The following CLDN16 variants were observed in gnomAD, a reference collection of about 807,000 sequenced individuals.
CLDN16 encodes claudin-16.
Under a neutral mutation model 24.6 loss-of-function variants are expected in CLDN16, and 13 were observed. That is an observed-to-expected ratio of 0.53 (90% CI 0.34 to 0.84). CLDN16 has a LOEUF of 0.84. CLDN16 is among the 40% of genes least tolerant of loss of function. The probability of loss-of-function intolerance (pLI) is 0.01; values close to 1 mark genes in which losing one functional copy is unlikely to be tolerated. For synonymous variants in CLDN16, 116 were observed against 106.7 expected, an observed-to-expected ratio of 1.09 and a Z score of -0.54; for missense variants, 298 against 292.7, an observed-to-expected ratio of 1.02 and a Z score of -0.13.
At chr3:190,385,079 G>C (rs1300788229), upstream of CLDN16, among the ~76,000 whole-genome samples, 2 of 152,104 alleles carry the variant, frequency 1.3e-5, no homozygotes, top group Admixed American at 6.6e-5. Context: ...TCAAGGACTA[G>C]GATGAGTTCT....
intron 1 of CLDN16, among the ~76,000 whole-genome samples, chr3:190,353,120 T>A (rs1717702861): frequency 6.6e-6 from 1 of 152,082 alleles, no homozygotes; most frequent in South Asian, 2.1e-4. Flanking sequence ...AGAGTTATCA[T>A]GAGCATTAAT....
intron 3 of CLDN16, among the ~76,000 whole-genome samples, chr3:190,374,842 T>C (rs1026520115): frequency 1.6e-4 from 24 of 152,028 alleles, no homozygotes; most frequent in African/African-American, 5.8e-4. Flanking sequence ...CGATTTTTAT[T>C]ACTATTTTTG....
intron 1 of CLDN16, among the ~76,000 whole-genome samples, chr3:190,324,349 G>C (rs993356389): frequency 6.6e-6 from 1 of 152,094 alleles, no homozygotes; most frequent in South Asian, 2.1e-4. Flanking sequence ...CGGGCATGGT[G>C]GTGGGCGCCT....
chr3:190,383,600 T>C (rs141342892), upstream of CLDN16, among the ~76,000 whole-genome samples: 5 of 152,142 alleles, frequency 3.3e-5, no homozygotes, highest in Admixed American at 3.3e-4. Flanking sequence ...CCTGAAACAT[T>C]ACCTGAAAAT....
At chr3:190,292,991 A>G in the CLDN16 span, among the ~76,000 whole-genome samples, 4 of 152,176 alleles carry the variant, frequency 2.6e-5, no homozygotes, top group Non-Finnish European at 5.9e-5. Flanking sequence ...CATTTTCTGC[A>G]TCTTTATAGC....
chr3:190,313,178 T>C, the CLDN16 span: 1 of 879,772 alleles, frequency 1.1e-6, no homozygotes, highest in Non-Finnish European at 1.8e-6. Flanking sequence ...TACTGATGTT[T>C]CCGCTGGTAA....
At chr3:190,406,665 G>C (rs1719108559) in intron 3 of CLDN16, among the ~76,000 whole-genome samples, 1 of 151,774 alleles carries the variant, frequency 6.6e-6, no homozygotes, top group South Asian at 2.1e-4. Context: ...ACTGAAAACT[G>C]CAGATAATGG....
intron 1 of CLDN16, among the ~76,000 whole-genome samples, chr3:190,348,061 G>A (rs1717589517): frequency 6.8e-6 from 1 of 146,326 alleles, no homozygotes; most frequent in South Asian, 2.2e-4. Context: ...GGTTAACAAG[G>A]TGAAACCCCG....
chr3:190,304,396 T>C, the CLDN16 span, among the ~76,000 whole-genome samples: 1 of 152,204 alleles, frequency 6.6e-6, no homozygotes, highest in Admixed American at 6.5e-5. Flanking sequence ...CTGCATTTAA[T>C]GAGGCTGGCC....
intron 1 of CLDN16, among the ~76,000 whole-genome samples, chr3:190,357,169 A>G (rs1717792758): frequency 6.6e-6 from 1 of 151,952 alleles, no homozygotes; most frequent in African/African-American, 2.4e-5. Flanking sequence ...TACAGGATTA[A>G]CATCCTCCTA....
chr3:190,323,032 A>ACACT (rs1716977809), intron 1 of CLDN16, among the ~76,000 whole-genome samples: 1 of 152,054 alleles, frequency 6.6e-6, no homozygotes, highest in African/African-American at 2.4e-5. Flanking sequence ...ACACACAGAC[A>ACACT]CACTCACGCA....
intron 3 of CLDN16, among the ~76,000 whole-genome samples, chr3:190,378,599 T>C (rs1718293075): frequency 6.6e-6 from 1 of 152,068 alleles, no homozygotes; most frequent in Non-Finnish European, 1.5e-5. Flanking sequence ...TATTCAATGG[T>C]AGATGAGTTC....
intron 1 of CLDN16, among the ~76,000 whole-genome samples, chr3:190,345,079 A>G (rs1034280433): frequency 2.0e-5 from 3 of 152,136 alleles, no homozygotes; most frequent in Non-Finnish European, 2.9e-5. Context: ...ATTTGACTAA[A>G]GACACCCCTC....
chr3:190,400,004 C>T lies in CLDN16; in HGVS notation c.115-2333C>T, dbSNP rs1483303744. Among the ~76,000 whole-genome samples the T allele has an allele frequency of 2.6e-5, 4 of 152,172 alleles. No homozygotes were observed. The East Asian group carries it at 5.8e-4, about 22-fold the overall frequency. On this transcript the variant is annotated intron_variant, in intron 1 of 4. Transcript: ENST00000264734. ...TAATGCCTGATGATCTGAGCTGGAA[C>T]AGTTTCATCCAAAAGCATCCCCAAC...
chr3:190,365,245 C>T (rs569577396), intron 1 of CLDN16, among the ~76,000 whole-genome samples: 8 of 151,936 alleles, frequency 5.3e-5, no homozygotes, highest in African/African-American at 1.9e-4. Context: ...TTGGGATTCT[C>T]TGTTGTTACC....
upstream of CLDN16, chr3:190,388,107 G>A: frequency 6.2e-7 from 1 of 1,613,428 alleles, no homozygotes; most frequent in Non-Finnish European, 8.5e-7. Context: ...TTGGAGGCTG[G>A]TTGCTTCGGA....
At chr3:190,397,066 G>A (rs778897548) in intron 1 of CLDN16, among the ~76,000 whole-genome samples, 2 of 152,094 alleles carry the variant, frequency 1.3e-5, no homozygotes, top group African/African-American at 4.8e-5. Flanking sequence ...GTGAGTTCAG[G>A]TACCCAGAAT....
chr3:190,345,318 TCTC>T (rs751716555), intron 1 of CLDN16, among the ~76,000 whole-genome samples: 13 of 152,052 alleles, frequency 8.5e-5, no homozygotes, highest in African/African-American at 1.9e-4. Context: ...GACTTTCTCT[TCTC>T]CTCTTCATAT....
chr3:190,360,329 G>A (rs1717861219), intron 1 of CLDN16, among the ~76,000 whole-genome samples: 1 of 151,886 alleles, frequency 6.6e-6, no homozygotes, highest in African/African-American at 2.4e-5. Flanking sequence ...ATTTAGGTGG[G>A]AGAGAAACTA....
Sources: allele counts gnomAD v4.1 joint callset (sites outside exome capture counted in the v4.1 genomes callset), GRCh38; gene constraint gnomAD v4.1.1; transcripts MANE v1.5; gene names NCBI Gene and HGNC (gene_info 2026-07-23, HGNC 2026-07-21).